Variants in RNF144A observed in about 807,000 individuals in gnomAD.
RNF144A encodes the protein ring finger protein 144A.
Under a neutral mutation model 38.7 loss-of-function variants are expected in RNF144A, and 11 were observed. That is an observed-to-expected ratio of 0.28 (90% confidence interval 0.18 to 0.47). The LOEUF is 0.47. Ranked by LOEUF, RNF144A falls within the 20% of genes least tolerant of loss-of-function variation. RNF144A has a pLI of 0.99. For missense variants in RNF144A, 316 were observed against 377.2 expected (o/e 0.84, Z 1.34); for synonymous variants, 149 against 143.9 (o/e 1.04, Z -0.25).
chr2:7,039,911 A>T lies in RNF144A; in HGVS notation c.*151A>T, dbSNP rs958621584. Reference sequence around the variant, plus strand: ...CAGGCTGGACGCCGTGATTTCAGGGACCTATGTCACAATGTTCGCTGAGGC... The same window carrying T: ...CAGGCTGGACGCCGTGATTTCAGGGTCCTATGTCACAATGTTCGCTGAGGC... On this transcript the variant is annotated 3_prime_UTR_variant, in exon 9 of 9. Transcript: ENST00000320892. 59 of 1,435,370 alleles carry T rather than the reference A, an allele frequency of 4.1e-5. No individual in the cohort carries two copies. Among genetic ancestry groups the T allele is most frequent in the Non-Finnish European group, 5.3e-5 (58 of 1,095,366 alleles). The allele number at this position is 1,435,370 out of a possible 1,614,324, so 88.9% of individuals were successfully genotyped here. A position where few individuals can be genotyped will look rare whatever the true frequency, so the allele number is the denominator to read the frequency against.
chr2:6,982,073 T>TG (rs1413830774), intron 2 of RNF144A, among the ~76,000 whole-genome samples: 4 of 152,076 alleles, frequency 2.6e-5, no homozygotes, highest in African/African-American at 9.7e-5. Flanking sequence ...TGGAACAGCA[T>TG]GGGGGAAACT....
intron 3 of RNF144A, among the ~76,000 whole-genome samples, chr2:6,999,666 G>T (rs531698903): frequency 3.2e-4 from 48 of 152,216 alleles, no homozygotes; most frequent in Non-Finnish European, 4.7e-4. Flanking sequence ...TCTGTATAAT[G>T]GAGATAAAAA....
intron 6 of RNF144A, among the ~76,000 whole-genome samples, chr2:7,062,006 A>G (rs55812000): frequency 0.079 from 11,991 of 152,210 alleles, 525 homozygotes; most frequent in Middle Eastern, 0.19. Context: ...AGCATTTGTT[A>G]TTGTCCCTGA....
At chr2:6,980,309 A>G (rs770241572) in intron 2 of RNF144A, among the ~76,000 whole-genome samples, 7 of 152,234 alleles carry the variant, frequency 4.6e-5, no homozygotes, top group African/African-American at 7.2e-5. Context: ...GTCCAAGTCC[A>G]TAGTCTCATC....
chr2:6,950,880 AT>A (rs1337332594), intron 2 of RNF144A, among the ~76,000 whole-genome samples: 4 of 151,938 alleles, frequency 2.6e-5, no homozygotes, highest in Non-Finnish European at 5.9e-5. Context: ...TTTCTTATTG[AT>A]TTGAACTCAT....
intron 6 of RNF144A, among the ~76,000 whole-genome samples, chr2:7,067,503 C>T (rs977536537): frequency 6.6e-6 from 1 of 152,164 alleles, no homozygotes; most frequent in African/African-American, 2.4e-5. Context: ...TGATTGGCTG[C>T]CCTCTGGGCT....
intron 8 of RNF144A, among the ~76,000 whole-genome samples, chr2:7,036,618 T>C (rs1434016833): frequency 6.6e-6 from 1 of 152,192 alleles, no homozygotes; most frequent in Non-Finnish European, 1.5e-5. Flanking sequence ...CTGGAATAGC[T>C]TTTTGGGTAT....
At chr2:6,930,914 A>G (rs1424645458) in intron 1 of RNF144A, among the ~76,000 whole-genome samples, 1 of 152,194 alleles carries the variant, frequency 6.6e-6, no homozygotes, top group Non-Finnish European at 1.5e-5. Context: ...ATTTCAACCA[A>G]TAAATCCACC....
downstream of RNF144A, among the ~76,000 whole-genome samples, chr2:7,069,064 C>G (rs1327306531): frequency 1.3e-5 from 2 of 152,214 alleles, no homozygotes; most frequent in East Asian, 3.8e-4. Context: ...AATAGTAGCC[C>G]AGCAAGGAAG....
chr2:6,984,597 C>A (rs114519495), intron 2 of RNF144A, among the ~76,000 whole-genome samples: 3 of 152,238 alleles, frequency 2.0e-5, no homozygotes, highest in African/African-American at 7.2e-5. Context: ...CCACCGCACT[C>A]GGCCCCAAGC....
At position 7,020,481 on chromosome 2, in the gene RNF144A, T is replaced by A; in HGVS notation, c.310T>A (p.Phe104Ile). 6.2e-7 allele frequency: 1 copy of A among 1,613,728 alleles called. No homozygotes were observed. Among genetic ancestry groups the A allele is most frequent in the Non-Finnish European group, 8.5e-7 (1 of 1,179,926 alleles). ...TTGTCTCACTGTACCAGAGGTGCTG[T>A]TTGATCCCTGTCGGACTTGGTGCCC... ...KKLQFEREVL[F>I]DPCRTWCPAS... Residue 104 changes from phenylalanine to isoleucine, a missense_variant, in exon 6 of 9, where the codon TTT becomes ATT. Coordinates refer to ENST00000320892, the MANE Select transcript of RNF144A (RefSeq NM_014746.6).
At chr2:6,996,417 C>T (rs961243368) in intron 2 of RNF144A, among the ~76,000 whole-genome samples, 9 of 152,016 alleles carry the variant, frequency 5.9e-5, no homozygotes, top group Non-Finnish European at 8.8e-5. Context: ...AGTTGTTTGC[C>T]GTTTTGAGGG....
At chr2:7,018,767 G>T (rs536040144) in intron 5 of RNF144A, among the ~76,000 whole-genome samples, 26 of 152,218 alleles carry the variant, frequency 1.7e-4, no homozygotes, top group Non-Finnish European at 2.9e-4. Flanking sequence ...TTATTATAAT[G>T]AAGATAATTA....
chr2:6,989,952 C>G (rs1669224612), intron 2 of RNF144A, among the ~76,000 whole-genome samples: 1 of 152,158 alleles, frequency 6.6e-6, no homozygotes, highest in Non-Finnish European at 1.5e-5. Flanking sequence ...TACAGAGTTT[C>G]CATACACCCA....
In RNF144A at chr2:6,990,433, CACAG is replaced by C. The variant is rs1215791674; in HGVS notation, c.-11-6481_-11-6478del. Among the ~76,000 whole-genome samples the C allele has an allele frequency of 1.3e-3, 68 of 53,498 alleles. 2 individuals are homozygous for C. Among genetic ancestry groups the C allele is most frequent in the Middle Eastern group, 0.012 (1 of 84 alleles). The allele number at this position is 53,498 out of a possible 152,430, so 35.1% of individuals were successfully genotyped here. ...ACACACACACACACACACACACACA[CACAG>C]AGCTATATATATATATAATATATAA... On this transcript the variant is annotated intron_variant, in intron 2 of 8. Transcript: ENST00000320892.
downstream of RNF144A, among the ~76,000 whole-genome samples, chr2:7,069,892 A>C (rs1269455650): frequency 6.6e-6 from 1 of 152,242 alleles, no homozygotes; most frequent in Non-Finnish European, 1.5e-5. Flanking sequence ...GGAACAGCTT[A>C]ACTTTCAATG....
chr2:7,061,779 T>C (rs777147688), intron 6 of RNF144A, among the ~76,000 whole-genome samples: 11 of 152,220 alleles, frequency 7.2e-5, no homozygotes, highest in Non-Finnish European at 1.2e-4. Context: ...TAGAGGATAA[T>C]ATAAGGAGGG....
intron 2 of RNF144A, among the ~76,000 whole-genome samples, chr2:6,964,465 A>ACTG (rs1667526297): frequency 6.6e-6 from 1 of 152,220 alleles, no homozygotes; most frequent in South Asian, 2.1e-4. Context: ...CCATCCCATT[A>ACTG]CTGGGTATAT....
At chr2:6,952,327 T>C (rs1416093791) in intron 2 of RNF144A, among the ~76,000 whole-genome samples, 2 of 151,766 alleles carry the variant, frequency 1.3e-5, no homozygotes, top group East Asian at 3.8e-4. Flanking sequence ...GCTTCTTTAC[T>C]CATGAGAGAG....
Sources: allele counts gnomAD v4.1 joint callset (sites outside exome capture counted in the v4.1 genomes callset), GRCh38; gene constraint gnomAD v4.1.1; transcripts MANE v1.5; gene names NCBI Gene and HGNC (gene_info 2026-07-23, HGNC 2026-07-21).